Variants in ELP1 observed in about 807,000 individuals in gnomAD.
ELP1 encodes elongator acetyltransferase complex subunit 1.
A neutral mutation model predicts 183.2 loss-of-function variants in ELP1; 131 were observed. The ratio of observed to expected loss-of-function variants is 0.72; its 90% confidence interval spans 0.62 to 0.83. The LOEUF is 0.83. ELP1 is among the 40% of genes least tolerant of loss of function. The pLI is 0.00. For missense variants in ELP1, 1,550 were observed against 1,594.9 expected, an observed-to-expected ratio of 0.97 and a Z score of 0.48; for synonymous variants, 555 against 569.0, an observed-to-expected ratio of 0.98 and a Z score of 0.35.
chr9:108,872,222 C>T (rs1468058489), intron 36 of ELP1, among the ~76,000 whole-genome samples: 1 of 152,090 alleles, frequency 6.6e-6, no homozygotes, highest in Non-Finnish European at 1.5e-5. Flanking sequence ...AGATGGTTAG[C>T]GGCACATGGC....
intron 36 of ELP1, among the ~76,000 whole-genome samples, chr9:108,873,665 A>G (rs1827573976): frequency 6.6e-6 from 1 of 152,198 alleles, no homozygotes; most frequent in Admixed American, 6.5e-5. Flanking sequence ...ACTGGATTGG[A>G]CTACAGCACA....
At position 108,896,620 on chromosome 9, in the gene ELP1, G is replaced by C. The variant is rs1373139422; in HGVS notation, c.2612C>G (p.Ala871Gly). The part of the protein sequence containing the change: ...LQGNAPSDPD[A>G]VSAEEALKYL... ...TTTCAAGGCCTCTTCAGCACTCACAGCATCAGGATCAGAGGGAGCATTTCC... is the reference window on the plus strand; with the variant it reads ...TTTCAAGGCCTCTTCAGCACTCACACCATCAGGATCAGAGGGAGCATTTCC... The change falls in exon 25 of 37, where the codon GCT (alanine) becomes GGT (glycine). Residue 871 changes from alanine (A) to glycine (G), a missense_variant. Coordinates refer to ENST00000374647, the MANE Select transcript of ELP1 (RefSeq NM_003640.5). 6.2e-7 allele frequency: 1 copy of C among 1,613,766 alleles called. No individual in the cohort carries two copies. Among genetic ancestry groups the C allele is most frequent in the African/African-American group, 1.3e-5 (1 of 74,904 alleles).
At chr9:108,883,676 T>C (rs1350703991) in intron 29 of ELP1, among the ~76,000 whole-genome samples, 1 of 151,850 alleles carries the variant, frequency 6.6e-6, no homozygotes, top group African/African-American at 2.4e-5. Flanking sequence ...TCTTGTAAGG[T>C]TTTTACACTA....
chr9:108,930,021 A>AAAG, intron 2 of ELP1, 100 bp from the exon 3 acceptor site: 1 of 1,326,850 alleles, frequency 7.5e-7, no homozygotes, highest in Admixed American at 1.8e-5. Flanking sequence ...TTATTACATA[A>AAAG]AAGCTTTCAA....
chr9:108,879,577 A>T lies in ELP1; in HGVS notation c.3461-20T>A. The T allele has an allele frequency of 6.4e-7, 1 of 1,571,600 alleles. No homozygotes were observed. The highest frequency in any genetic ancestry group is 8.8e-7 in the Non-Finnish European group (1 of 1,141,626). On this transcript the variant is annotated intron_variant, in intron 32 of 36. Coordinates refer to ENST00000374647, the MANE Select transcript of ELP1 (RefSeq NM_003640.5). Reference sequence around the variant, plus strand: ...CATCATCTAGAAAAGAAGAACCAGAAGCCGATGAAAACACTGCCTGCTAAT... The same window carrying T: ...CATCATCTAGAAAAGAAGAACCAGATGCCGATGAAAACACTGCCTGCTAAT...
intron 6 of ELP1, among the ~76,000 whole-genome samples, chr9:108,921,960 A>G (rs1348808445): frequency 6.6e-6 from 1 of 152,204 alleles, no homozygotes; most frequent in Non-Finnish European, 1.5e-5. Flanking sequence ...GTAAGGAGAC[A>G]TTATGTTGTC....
At chr9:108,906,239 C>T (rs770438639) in intron 14 of ELP1, 64 bp downstream of exon 14, 13 of 1,536,654 alleles carry the variant, frequency 8.5e-6, no homozygotes, top group Non-Finnish European at 1.1e-5. Context: ...GTTGTATGCT[C>T]ATAAAAGACA....
At position 108,874,377 on chromosome 9, in the gene ELP1, A is replaced by C. The variant is rs537313567; in HGVS notation, c.3931+518T>G. ...AATTGAGAATCATCTCCCCTCAACA[A>C]ATAAAACACTTCATGCATAACTAAA... On this transcript the variant is annotated intron_variant, in intron 36 of 36. Coordinates refer to ENST00000374647, the MANE Select transcript of ELP1 (RefSeq NM_003640.5). Among the ~76,000 whole-genome samples, 13 of 152,362 alleles carry C rather than the reference A, an allele frequency of 8.5e-5. No homozygotes were observed. The South Asian group carries it at 2.7e-3, about 32-fold the overall frequency.
In ELP1 at chr9:108,899,841, T is replaced by A; in HGVS notation, c.2185A>T (p.Ile729Phe). The stretch of plus-strand genomic sequence containing the variant: ...ACTTACTTGTCCAACCACTTCCGAA[T>A]CTGAGCTAAAACCAGGGCTCGATGA... ...VHHRALVLAQ[I>F]RKWLDKLMFK... The change falls in exon 20 of 37, where the codon ATT (isoleucine) becomes TTT (phenylalanine). Residue 729 changes from isoleucine to phenylalanine, a missense_variant. Coordinates refer to ENST00000374647, the MANE Select transcript of ELP1 (RefSeq NM_003640.5). 6.2e-7 allele frequency: 1 copy of A among 1,614,126 alleles called. No homozygotes were observed. The highest frequency in any genetic ancestry group is 8.5e-7 in the Non-Finnish European group (1 of 1,179,972).
At position 108,874,901 on chromosome 9, in the gene ELP1, C is replaced by T. The variant is rs758997539; in HGVS notation, c.3925G>A (p.Val1309Ile). The T allele has an allele frequency of 6.2e-7, 1 of 1,606,674 alleles. No homozygotes were observed. Among genetic ancestry groups the T allele is most frequent in the African/African-American group, 1.3e-5 (1 of 74,914 alleles). ...AATGAGAAAAAATACTAACCAAGAA[C>T]AGGAACCGAAGTCTTCTGTTGCTGA... is the stretch of plus-strand genomic sequence containing the variant. ...SYQQQKTSVP[V>I]LDAELFIPPK... Residue 1309 changes from valine to isoleucine, a missense_variant, in exon 36 of 37, where the codon GTT becomes ATT. Transcript: ENST00000374647.
Position 108,879,518 on chromosome 9 carries a change from G to C in ELP1, c.3500C>G (p.Ser1167Cys). 6.2e-7 allele frequency: 1 copy of C among 1,614,118 alleles called. No homozygotes were observed. Among genetic ancestry groups the C allele is most frequent in the South Asian group, 1.1e-5 (1 of 91,062 alleles). Residue 1167 changes from serine (S) to cysteine (C), a missense_variant, in exon 33 of 37, where the codon TCT becomes TGT. Transcript: ENST00000374647. ...GCCACTCACGACACTGCTAGTTTCA[G>C]AGAAGAGGTCTGACTCTTGCCCGTG... ...VPHGQESDLF[S>C]ETSSVVSGSE...
chr9:108,896,226 C>T (rs1220924459), intron 25 of ELP1, among the ~76,000 whole-genome samples: 1 of 152,124 alleles, frequency 6.6e-6, no homozygotes, highest in Admixed American at 6.5e-5. Flanking sequence ...CACTGCACTC[C>T]AGCCTGGGCG....
chr9:108,876,360 C>T (rs1006753992), intron 35 of ELP1, among the ~76,000 whole-genome samples: 3 of 152,106 alleles, frequency 2.0e-5, no homozygotes, highest in Non-Finnish European at 4.4e-5. Flanking sequence ...ATAATAAATT[C>T]AAGAAGTTCT....
Position 108,879,465 on chromosome 9 carries a change from T to C in ELP1, c.3553A>G (p.Ser1185Gly), listed in dbSNP as rs748630171. 6 of 1,612,806 alleles carry C rather than the reference T, an allele frequency of 3.7e-6. No homozygotes were observed. Among genetic ancestry groups the C allele is most frequent in the Admixed American group, 3.3e-5 (2 of 60,032 alleles). ...ACGTACGCTGATATCCTGGAGTTACTATGGGAGTATTTGCCACTCATCTCA... is the reference window on the plus strand; with the variant it reads ...ACGTACGCTGATATCCTGGAGTTACCATGGGAGTATTTGCCACTCATCTCA... ...GSEMSGKYSH[S>G]NSRISARSSK... Residue 1185 changes from serine (S) to glycine (G), a missense_variant, in exon 33 of 37, where the codon AGT becomes GGT. By Grantham distance (56) the Ser-to-Gly change is moderately conservative. Transcript: ENST00000374647.
At chr9:108,891,627 C>A (rs1828340069) in intron 27 of ELP1, among the ~76,000 whole-genome samples, 1 of 152,150 alleles carries the variant, frequency 6.6e-6, no homozygotes, top group South Asian at 2.1e-4. Flanking sequence ...TACATATGCA[C>A]CATTCTGGGC....
chr9:108,884,939 G>T (rs993879989), intron 29 of ELP1, among the ~76,000 whole-genome samples: 1 of 152,000 alleles, frequency 6.6e-6, no homozygotes, highest in Non-Finnish European at 1.5e-5. Context: ...AAATTAGCCA[G>T]GCATGGTGGC....
At chr9:108,891,645 A>C (rs1253157754) in intron 27 of ELP1, among the ~76,000 whole-genome samples, 1 of 152,242 alleles carries the variant, frequency 6.6e-6, no homozygotes, top group East Asian at 1.9e-4. Flanking sequence ...GGCAGTATGG[A>C]TACTACAGCA....
chr9:108,927,056 C>A (rs937951508), intron 4 of ELP1, among the ~76,000 whole-genome samples: 1 of 152,158 alleles, frequency 6.6e-6, no homozygotes. Context: ...ATTTTTAACT[C>A]TAACTGGGGA....
rs756059162 is a variant in ELP1 at position 108,903,674 on chromosome 9, C to CA, written c.1644-6dup. On this transcript the variant is annotated splice_polypyrimidine_tract_variant and splice_region_variant and intron_variant, in intron 14 of 36. Transcript: ENST00000374647. ...CCATCCACCGCTGCAGATGAACTGA[C>CA]AAAAAAAAGGAGAAGGGAGTGTAAA... The CA allele has an allele frequency of 4.8e-5, 77 of 1,601,766 alleles. No individual in the cohort carries two copies. The highest frequency in any genetic ancestry group is 1.5e-4 in the Admixed American group (9 of 59,524).
Sources: allele counts gnomAD v4.1 joint callset (sites outside exome capture counted in the v4.1 genomes callset), GRCh38; gene constraint gnomAD v4.1.1; transcripts MANE v1.5; gene names NCBI Gene and HGNC (gene_info 2026-07-23, HGNC 2026-07-21).